IQCM: variants seen among roughly 807,000 people sequenced by gnomAD.
IQCM encodes IQ motif containing M.
IQCM carries 45 observed loss-of-function variants against 57.6 expected under a neutral mutation model. The observed-to-expected ratio is 0.78, with a 90% CI of 0.62 to 1.00. The LOEUF is 1.00. Ranked by LOEUF, IQCM falls within the 50% of genes least tolerant of loss-of-function variation. The pLI is 0.00. For missense variants in IQCM, 468 were observed against 511.6 expected, an observed-to-expected ratio of 0.91 and a Z score of 0.82; for synonymous variants, 148 against 158.9, an observed-to-expected ratio of 0.93 and a Z score of 0.51.
At chr4:149,483,333 G>A (rs1741118378) in intron 12 of IQCM, among the ~76,000 whole-genome samples, 3 of 151,144 alleles carry the variant, frequency 2.0e-5, no homozygotes, top group African/African-American at 7.3e-5. Context: ...TTTGCTCTTG[G>A]TTTTCTAATT....
intron 12 of IQCM, among the ~76,000 whole-genome samples, chr4:149,436,273 C>T (rs1290024078): frequency 6.6e-6 from 1 of 152,066 alleles, no homozygotes; most frequent in Non-Finnish European, 1.5e-5. Context: ...TTTTCATATG[C>T]TTCAATATCA....
At chr4:149,722,483 T>A (rs1164842982) in intron 5 of IQCM, among the ~76,000 whole-genome samples, 1 of 152,128 alleles carries the variant, frequency 6.6e-6, no homozygotes, top group Non-Finnish European at 1.5e-5. Flanking sequence ...GTGATAGAGA[T>A]CCAGTTTCAT....
At chr4:149,778,356 A>G (rs1227760883) in intron 2 of IQCM, among the ~76,000 whole-genome samples, 1 of 152,122 alleles carries the variant, frequency 6.6e-6, no homozygotes, top group East Asian at 1.9e-4. Context: ...AGCCTGGAAG[A>G]CAGAGCAAGG....
intron 13 of IQCM, among the ~76,000 whole-genome samples, chr4:149,368,271 T>A (rs1170193853): frequency 6.6e-6 from 1 of 152,044 alleles, no homozygotes; most frequent in Non-Finnish European, 1.5e-5. Context: ...ATTACTTCTT[T>A]TAGTATTTAG....
At chr4:149,531,572 AC>A (rs1746751796) in intron 12 of IQCM, among the ~76,000 whole-genome samples, 1 of 152,124 alleles carries the variant, frequency 6.6e-6, no homozygotes, top group Non-Finnish European at 1.5e-5. Flanking sequence ...TCCTGAGCAT[AC>A]AAAAAGGCAT....
chr4:149,672,164 G>T (rs1039816023), intron 7 of IQCM, among the ~76,000 whole-genome samples: 7 of 152,154 alleles, frequency 4.6e-5, no homozygotes, highest in African/African-American at 1.7e-4. Context: ...CACAAAGATG[G>T]GGAGAAACCA....
intron 8 of IQCM, among the ~76,000 whole-genome samples, chr4:149,619,107 G>GATATATATAGATATATATAT (rs1756069012): frequency 7.9e-6 from 1 of 126,762 alleles, no homozygotes; most frequent in African/African-American, 3.1e-5. Context: ...ATGTGGGATG[G>GATATATATAGATATATATAT]ATATATATAT....
At chr4:149,382,563 G>A (rs1432250653) in intron 13 of IQCM, among the ~76,000 whole-genome samples, 1 of 151,852 alleles carries the variant, frequency 6.6e-6, no homozygotes, top group Non-Finnish European at 1.5e-5. Context: ...TCTAGTAGCA[G>A]AATAAGTACT....
chr4:149,802,690 G>C (rs1211227830), intron 2 of IQCM, among the ~76,000 whole-genome samples: 1 of 151,922 alleles, frequency 6.6e-6, no homozygotes, highest in East Asian at 1.9e-4. Flanking sequence ...GATGACAAAT[G>C]TATTTGAGAA....
intron 13 of IQCM, among the ~76,000 whole-genome samples, chr4:149,359,778 T>G (rs1729344298): frequency 6.6e-6 from 1 of 152,198 alleles, no homozygotes; most frequent in African/African-American, 2.4e-5. Context: ...AGGTTATATA[T>G]CATTCAACAC....
intron 9 of IQCM, among the ~76,000 whole-genome samples, chr4:149,572,819 A>G (rs1751289250): frequency 6.6e-6 from 1 of 151,908 alleles, no homozygotes; most frequent in Non-Finnish European, 1.5e-5. Context: ...TTCACTTCCA[A>G]ATTTAGGAGG....
chr4:149,606,246 A>G (rs926485791), intron 8 of IQCM, among the ~76,000 whole-genome samples: 3 of 152,114 alleles, frequency 2.0e-5, no homozygotes, highest in Non-Finnish European at 4.4e-5. Context: ...GTACAGAGAG[A>G]GACTCCTTCT....
intron 7 of IQCM, among the ~76,000 whole-genome samples, chr4:149,663,317 G>A (rs992311000): frequency 4.0e-5 from 6 of 151,494 alleles, no homozygotes; most frequent in Admixed American, 6.6e-5. Context: ...CTAGAACAAC[G>A]AAAGATTTAG....
At chr4:149,702,300 TCACACACACACA>T (rs3085128) in intron 5 of IQCM, among the ~76,000 whole-genome samples, 3 of 145,842 alleles carry the variant, frequency 2.1e-5, no homozygotes, top group South Asian at 4.4e-4. Context: ...CTCCCTCACT[TCACACACACACA>T]CACACACACA....
intron 13 of IQCM, among the ~76,000 whole-genome samples, chr4:149,378,101 T>C (rs573191784): frequency 6.6e-6 from 1 of 152,274 alleles, no homozygotes; most frequent in Non-Finnish European, 1.5e-5. Flanking sequence ...TTCTCTTGTC[T>C]TGTCTGCCAG....
rs181133252 is a variant in IQCM, at chr4:149,668,896, G to C, written c.565+13222C>G. Among the ~76,000 whole-genome samples, 138 of 152,208 alleles carry C rather than the reference G, an allele frequency of 9.1e-4. No individual in the cohort carries two copies. In the Middle Eastern group the frequency reaches 0.014, roughly 15 times the overall value. Reference sequence around the variant, plus strand: ...CAAAATTCTCCAAAGAGAAAGAGGAGAAAGGGGTGAAAAGTGAGAGAGATA... The same window carrying C: ...CAAAATTCTCCAAAGAGAAAGAGGACAAAGGGGTGAAAAGTGAGAGAGATA... On this transcript the variant is annotated intron_variant, in intron 7 of 13. Coordinates refer to ENST00000636793, the MANE Select transcript of IQCM (RefSeq NM_001363507.2).
At chr4:149,661,830 G>T (rs1760245000) in intron 7 of IQCM, among the ~76,000 whole-genome samples, 1 of 151,918 alleles carries the variant, frequency 6.6e-6, no homozygotes, top group Non-Finnish European at 1.5e-5. Flanking sequence ...TTATTTAGTT[G>T]AGTCTTCTCT....
At chr4:149,699,199 T>C (rs1277711336) in intron 5 of IQCM, among the ~76,000 whole-genome samples, 1 of 152,070 alleles carries the variant, frequency 6.6e-6, no homozygotes, top group Non-Finnish European at 1.5e-5. Context: ...TTGTGCTTTA[T>C]ATTTCCATGA....
chr4:149,414,203 TA>T (rs1375451630), intron 13 of IQCM, among the ~76,000 whole-genome samples: 4 of 152,158 alleles, frequency 2.6e-5, no homozygotes, highest in African/African-American at 9.7e-5. Context: ...AATTAATGAG[TA>T]AATTCAGAGA....
Sources: gnomAD v4.1 joint callset for allele counts (sites outside exome capture counted in the v4.1 genomes callset) on GRCh38, gnomAD v4.1.1 for gene constraint, MANE v1.5 for transcripts, NCBI Gene and HGNC (gene_info 2026-07-23, HGNC 2026-07-21) for gene names.